GRIN2A: variants seen among roughly 807,000 people sequenced by gnomAD.
The protein encoded by GRIN2A is glutamate receptor ionotropic, NMDA 2A.
Under a neutral mutation model 113.4 loss-of-function variants are expected in GRIN2A, and 22 were observed. The ratio of observed to expected loss-of-function variants is 0.19; its 90% CI spans 0.14 to 0.28. GRIN2A has a LOEUF of 0.28. Ranked by LOEUF, GRIN2A falls within the 10% of genes least tolerant of loss-of-function variation. The pLI is 1.00. For missense variants in GRIN2A, 1,502 were observed against 1,887.0 expected, an observed-to-expected ratio of 0.80 and a Z score of 3.78; for synonymous variants, 827 against 738.4, an observed-to-expected ratio of 1.12 and a Z score of -1.94.
At chr16:9,903,828 C>A (rs188308906) in intron 3 of GRIN2A, among the ~76,000 whole-genome samples, 5 of 152,204 alleles carry the variant, frequency 3.3e-5, no homozygotes, top group Non-Finnish European at 5.9e-5. Flanking sequence ...CCCTTTACTA[C>A]CATTTGCCAA....
intron 2 of GRIN2A, among the ~76,000 whole-genome samples, chr16:10,047,462 C>T (rs1261970085): frequency 6.6e-6 from 1 of 152,166 alleles, no homozygotes; most frequent in Non-Finnish European, 1.5e-5. Flanking sequence ...CTATTGTGTT[C>T]TTGGTTTAAA....
chr16:10,128,900 C>A (rs1470149675), intron 2 of GRIN2A, among the ~76,000 whole-genome samples: 1 of 152,212 alleles, frequency 6.6e-6, no homozygotes, highest in Non-Finnish European at 1.5e-5. Flanking sequence ...TGGCTCCCAG[C>A]TATTAACAAT....
chr16:10,155,752 T>C (rs1468846426), intron 2 of GRIN2A, among the ~76,000 whole-genome samples: 2 of 152,138 alleles, frequency 1.3e-5, no homozygotes, highest in Non-Finnish European at 2.9e-5. Context: ...CAAGGTCACA[T>C]CTTACATGGC....
chr16:10,140,040 A>T (rs1388688078), intron 2 of GRIN2A, among the ~76,000 whole-genome samples: 1 of 152,112 alleles, frequency 6.6e-6, no homozygotes, highest in African/African-American at 2.4e-5. Context: ...GGCCTGGCAT[A>T]ATTCAAATTC....
chr16:9,989,545 T>C (rs1378435495), intron 2 of GRIN2A, among the ~76,000 whole-genome samples: 1 of 152,150 alleles, frequency 6.6e-6, no homozygotes, highest in Non-Finnish European at 1.5e-5. Flanking sequence ...AATCGGAATC[T>C]AGTTAAACTA....
At chr16:9,801,980 A>C (rs569594458) in intron 10 of GRIN2A, among the ~76,000 whole-genome samples, 1 of 152,236 alleles carries the variant, frequency 6.6e-6, no homozygotes, top group Admixed American at 6.5e-5. Flanking sequence ...CCTGGGGCAT[A>C]CACAGTCCCC....
intron 3 of GRIN2A, among the ~76,000 whole-genome samples, chr16:9,911,322 T>C (rs1440832701): frequency 1.3e-5 from 2 of 152,116 alleles, no homozygotes; most frequent in East Asian, 1.9e-4. Flanking sequence ...TGCTCGTCTC[T>C]AAAATAAACA....
At chr16:9,803,031 C>T (rs865865967) in intron 10 of GRIN2A, among the ~76,000 whole-genome samples, 2 of 152,064 alleles carry the variant, frequency 1.3e-5, no homozygotes, top group Non-Finnish European at 2.9e-5. Context: ...AAAAAAAAAT[C>T]CCCTAAATCT....
intron 2 of GRIN2A, among the ~76,000 whole-genome samples, chr16:10,024,269 G>A (rs1023810339): frequency 2.6e-5 from 4 of 152,206 alleles, no homozygotes; most frequent in African/African-American, 7.2e-5. Flanking sequence ...TGTCACCCAG[G>A]CTGGAGTGCA....
In GRIN2A at chr16:9,842,437, G is replaced by C. The variant is rs142470710; in HGVS notation, c.1329-1333C>G. ...CATTTCATGAATATGTTCTCTGTTT[G>C]AATATCCCATTTTTGGCAAATCCAC... On this transcript the variant is annotated intron_variant, in intron 5 of 12. Coordinates refer to ENST00000330684, the MANE Select transcript of GRIN2A (RefSeq NM_001134407.3). 7.8e-4 allele frequency among the ~76,000 whole-genome samples: 118 copies of C among 152,230 alleles called. 1 individual carries two copies. Among genetic ancestry groups the C allele is most frequent in the African/African-American group, 2.6e-3 (109 of 41,536 alleles).
chr16:10,087,800 C>T (rs2048110743), intron 2 of GRIN2A, among the ~76,000 whole-genome samples: 1 of 151,892 alleles, frequency 6.6e-6, no homozygotes, highest in South Asian at 2.1e-4. Flanking sequence ...GATCCTCCCA[C>T]CTCAGCTTTC....
chr16:9,899,440 C>CAAAA (rs71157791), intron 3 of GRIN2A, among the ~76,000 whole-genome samples: 203 of 6,206 alleles, frequency 0.033, 73 homozygotes, highest in African/African-American at 0.14. Flanking sequence ...AACTCCGTCT[C>CAAAA]AAAAAAAAAA....
chr16:9,838,377 C>T (rs2042617483), intron 7 of GRIN2A, among the ~76,000 whole-genome samples: 1 of 152,058 alleles, frequency 6.6e-6, no homozygotes. Flanking sequence ...CTCACAATTG[C>T]AAAGATATGG....
chr16:10,159,255 G>A (rs1007478549), intron 2 of GRIN2A, among the ~76,000 whole-genome samples: 1 of 152,090 alleles, frequency 6.6e-6, no homozygotes, highest in African/African-American at 2.4e-5. Context: ...TGGACAACAG[G>A]AATACCATTG....
chr16:9,822,767 A>G (rs1214892173), intron 9 of GRIN2A, among the ~76,000 whole-genome samples: 4 of 152,216 alleles, frequency 2.6e-5, no homozygotes, highest in Non-Finnish European at 4.4e-5. Flanking sequence ...TTAGGCACAC[A>G]GTCAGTACTT....
intron 2 of GRIN2A, among the ~76,000 whole-genome samples, chr16:10,133,023 T>C (rs1420667): frequency 0.17 from 25,562 of 152,164 alleles, 2,682 homozygotes; most frequent in East Asian, 0.36. Context: ...TGGTCACATC[T>C]CCTTCTCTGA....
intron 12 of GRIN2A, among the ~76,000 whole-genome samples, chr16:9,768,512 C>T (rs1005535514): frequency 3.9e-5 from 6 of 152,186 alleles, no homozygotes; most frequent in Admixed American, 3.3e-4. Context: ...ATGGCTGCCA[C>T]GCTACTGGTG....
intron 2 of GRIN2A, among the ~76,000 whole-genome samples, chr16:10,029,809 C>T (rs2046895194): frequency 6.6e-6 from 1 of 151,784 alleles, no homozygotes. Flanking sequence ...CCAGCCTGGC[C>T]AACATGGTAA....
At position 9,756,955 on chromosome 16, in the gene GRIN2A, A is replaced by C. The variant is rs1900371374; in HGVS notation, c.*6194T>G. Reference sequence around the variant, plus strand: ...CAGCAGTAGGCACTTGGAACTTGATAAAGAATTTTCCCTCTATGCTTCCCT... The same window carrying C: ...CAGCAGTAGGCACTTGGAACTTGATCAAGAATTTTCCCTCTATGCTTCCCT... On this transcript the variant is annotated 3_prime_UTR_variant, in exon 13 of 13. Coordinates refer to ENST00000330684, the MANE Select transcript of GRIN2A (RefSeq NM_001134407.3). 1 of 190,852 alleles carries C rather than the reference A, an allele frequency of 5.2e-6. No individual in the cohort carries two copies. The highest frequency in any genetic ancestry group is 1.1e-5 in the Non-Finnish European group (1 of 90,976). 11.8% of individuals were successfully genotyped at this position (190,852 alleles called of 1,614,324 possible). A position where few individuals can be genotyped will look rare whatever the true frequency, so the allele number is the denominator to read the frequency against.
Sources: gnomAD v4.1 joint callset for allele counts (sites outside exome capture counted in the v4.1 genomes callset) on GRCh38, gnomAD v4.1.1 for gene constraint, MANE v1.5 for transcripts, NCBI Gene and HGNC (gene_info 2026-07-23, HGNC 2026-07-21) for gene names.